ACSF3: variants seen among roughly 807,000 people sequenced by gnomAD.
ACSF3 encodes acyl-CoA synthetase family member 3.
Under a neutral mutation model 53.2 loss-of-function variants are expected in ACSF3, and 78 were observed. That is an observed-to-expected ratio of 1.47 (90% CI 1.22 to 1.77). The LOEUF is 1.77. ACSF3 is among the 40% of genes most tolerant of loss of function. The probability of loss-of-function intolerance (pLI) is 0.00; values close to 1 mark genes in which losing one functional copy is unlikely to be tolerated. For missense variants in ACSF3, 937 were observed against 771.1 expected (o/e 1.22, Z -2.55); for synonymous variants, 414 against 333.1 (o/e 1.24, Z -2.65).
intron 1 of ACSF3, among the ~76,000 whole-genome samples, chr16:89,094,890 G>A (rs964118727): frequency 6.6e-6 from 1 of 152,208 alleles, no homozygotes; most frequent in Admixed American, 6.5e-5. Flanking sequence ...GCAAGACACT[G>A]TCTCAATAAA....
Position 89,100,767 on chromosome 16 carries a change from G to C in ACSF3, c.86G>C (p.Ser29Thr), listed in dbSNP as rs754161182. 5.6e-6 allele frequency: 9 copies of C among 1,609,464 alleles called. No homozygotes were observed. The East Asian group carries it at 2.0e-4, about 36-fold the overall frequency. ...CRLAPARHRG[S>T]GLLHTAPVAR... ...CTGGCGCCTGCGAGACACAGAGGAAGTGGTCTTCTGCACACAGCCCCAGTG... is the reference window on the plus strand; with the variant it reads ...CTGGCGCCTGCGAGACACAGAGGAACTGGTCTTCTGCACACAGCCCCAGTG... Residue 29 changes from serine to threonine, a missense_variant, in exon 3 of 11, where the codon AGT becomes ACT. Ser to Thr is a moderately conservative substitution (Grantham distance 58, BLOSUM62 1). Coordinates refer to ENST00000614302, the MANE Select transcript of ACSF3 (RefSeq NM_001243279.3).
At chr16:89,097,161 TG>T (rs1339992991) in intron 1 of ACSF3, among the ~76,000 whole-genome samples, 1 of 152,206 alleles carries the variant, frequency 6.6e-6, no homozygotes, top group African/African-American at 2.4e-5. Context: ...GTGCTCAGCG[TG>T]TGGTTAGCGT....
chr16:89,096,197 G>A lies in ACSF3; in HGVS notation c.-194+2201G>A, dbSNP rs187311192. Among the ~76,000 whole-genome samples the A allele has an allele frequency of 4.1e-3, 620 of 150,734 alleles. 3 individuals are homozygous for A. The highest frequency in any genetic ancestry group is 0.012 in the South Asian group (57 of 4,772). Reference sequence around the variant, plus strand: ...GCCACGTGGTGACGCCGCTGACCTCGGGTTATCAGGGTGCTGCGTAGCAGG... The same window carrying A: ...GCCACGTGGTGACGCCGCTGACCTCAGGTTATCAGGGTGCTGCGTAGCAGG... On this transcript the variant is annotated intron_variant, in intron 1 of 10. Coordinates refer to ENST00000614302, the MANE Select transcript of ACSF3 (RefSeq NM_001243279.3).
Position 89,100,741 on chromosome 16 carries a change from G to C in ACSF3, c.60G>C (p.Arg20=). The C allele has an allele frequency of 6.2e-7, 1 of 1,605,598 alleles. No homozygotes were observed. The highest frequency in any genetic ancestry group is 8.5e-7 in the Non-Finnish European group (1 of 1,179,766). Residue 20 remains arginine (R), a synonymous_variant, in exon 3 of 11, where the codon CGG becomes CGC. Transcript: ENST00000614302. ...RRLGCALASC[R]LAPARHRGSG... The stretch of plus-strand genomic sequence containing the variant: ...TGGGCTGCGCCTTGGCGTCCTGCCG[G>C]CTGGCGCCTGCGAGACACAGAGGAA...
rs1416712649 is a variant in ACSF3, at chr16:89,155,458, T to C, written c.*1251T>C. 2.2e-6 allele frequency: 1 copy of C among 454,116 alleles called. No homozygotes were observed. The allele number at this position is 454,116 out of a possible 1,614,324, so 28.1% of individuals were successfully genotyped here. A position where few individuals can be genotyped will look rare whatever the true frequency, so the allele number is the denominator to read the frequency against. ...CACTTGAGCATGTCGCCCACCAAGC[T>C]TGTCTGAGGCCACAGAGCAGCGTCC... On this transcript the variant is annotated 3_prime_UTR_variant, in exon 11 of 11. Transcript: ENST00000614302.
At chr16:89,104,362 G>T (rs1045524369) in intron 4 of ACSF3, among the ~76,000 whole-genome samples, 6 of 152,238 alleles carry the variant, frequency 3.9e-5, no homozygotes, top group Non-Finnish European at 7.3e-5. Flanking sequence ...GTGCGGGGTT[G>T]TTCTGCAGGG....
chr16:89,144,960 C>A (rs889953596), intron 8 of ACSF3, among the ~76,000 whole-genome samples: 7 of 152,228 alleles, frequency 4.6e-5, no homozygotes, highest in African/African-American at 1.7e-4. Context: ...AGGCTCTGGA[C>A]CCACTGCTGA....
At chr16:89,125,338 T>A (rs1370058934) in intron 7 of ACSF3, among the ~76,000 whole-genome samples, 1 of 76,752 alleles carries the variant, frequency 1.3e-5, no homozygotes, top group Non-Finnish European at 2.7e-5. Context: ...AGCAAAACTC[T>A]GTCTCAAAAA....
At chr16:89,136,716 C>T (rs1176816757) in intron 8 of ACSF3, 5 of 1,287,146 alleles carry the variant, frequency 3.9e-6, no homozygotes, top group Non-Finnish European at 5.1e-6. Context: ...CCGCTCCTGC[C>T]TCCCCCACCT....
rs967117508 is a variant in ACSF3 at position 89,154,616 on chromosome 16, C to T, written c.*409C>T. On this transcript the variant is annotated 3_prime_UTR_variant, in exon 11 of 11. Transcript: ENST00000614302. ...CCCTGTCCCACGCCGTCTGCACGTG[C>T]CTGTGCCTCACCCAGAGCCAGTGTC... 3 of 455,348 alleles carry T rather than the reference C, an allele frequency of 6.6e-6. No individual in the cohort carries two copies. The highest frequency in any genetic ancestry group is 1.3e-5 in the Non-Finnish European group (3 of 227,828). 28.2% of individuals were successfully genotyped at this position (455,348 alleles called of 1,614,324 possible).
Position 89,145,307 on chromosome 16 carries a change from A to G in ACSF3, c.1407A>G (p.Arg469=), listed in dbSNP as rs1912703262. The change falls in exon 9 of 11, where the codon CGA becomes CGG. Residue 469 remains arginine, a synonymous_variant. Transcript: ENST00000614302. ...VVFKDGQYWI[R]GRTSVDIIKT... ...TTAAGGATGGCCAGTACTGGATCCG[A>G]GGCCGGACCTCAGTGGACATCATCA... The G allele has an allele frequency of 5.6e-6, 9 of 1,614,074 alleles. No homozygotes were observed. Among genetic ancestry groups the G allele is most frequent in the Non-Finnish European group, 5.9e-6 (7 of 1,179,988 alleles).
At chr16:89,105,691 C>G (rs564353576) in intron 4 of ACSF3, among the ~76,000 whole-genome samples, 53 of 152,244 alleles carry the variant, frequency 3.5e-4, no homozygotes, top group Non-Finnish European at 6.5e-4. Context: ...CGGGCGCTGA[C>G]GGTGGCTGGT....
At chr16:89,126,964 T>C (rs1265385083) in intron 7 of ACSF3, among the ~76,000 whole-genome samples, 2 of 151,404 alleles carry the variant, frequency 1.3e-5, no homozygotes, top group African/African-American at 2.4e-5. Flanking sequence ...TAAATGTATG[T>C]TGAATATTTT....
At chr16:89,115,349 C>CCCCTTGTTCCTGTTTCTCTT (rs2151458433) in intron 6 of ACSF3, 1 of 152,504 alleles carries the variant, frequency 6.6e-6, no homozygotes, top group South Asian at 2.1e-4. Flanking sequence ...CGAGGCCTGG[C>CCCCTTGTTCCTGTTTCTCTT]CCCTTGTTCC....
At chr16:89,102,580 C>T in intron 3 of ACSF3, 24 bp from the exon 4 acceptor site, 4 of 1,612,892 alleles carry the variant, frequency 2.5e-6, no homozygotes, top group Non-Finnish European at 3.4e-6. Context: ...CTCTTGCTCT[C>T]AGCTGTGCTC....
chr16:89,135,342 T>C (rs1910213519), intron 8 of ACSF3, among the ~76,000 whole-genome samples: 1 of 152,178 alleles, frequency 6.6e-6, no homozygotes, highest in Non-Finnish European at 1.5e-5. Context: ...ATCCTGTGGG[T>C]CCCAGAGGCC....
intron 7 of ACSF3, 53 bp downstream of exon 7, chr16:89,120,966 C>G: frequency 6.5e-7 from 1 of 1,539,226 alleles, no homozygotes; most frequent in Admixed American, 1.7e-5. Flanking sequence ...GTCTAGGCCC[C>G]CCAGGGTGGT....
At chr16:89,099,854 A>G (rs8061360) in intron 2 of ACSF3, among the ~76,000 whole-genome samples, 99,848 of 150,890 alleles carry the variant, frequency 0.66, 33,964 homozygotes, top group Admixed American at 0.75. Context: ...GAGAGAAAGG[A>G]AAAAAAGGTG....
rs771664156 is a variant in ACSF3, at chr16:89,112,780, G to T, written c.977+534G>T. 2.8e-4 allele frequency among the ~76,000 whole-genome samples: 42 copies of T among 152,334 alleles called. 1 individual carries two copies. The highest frequency in any genetic ancestry group is 8.5e-4 in the Admixed American group (13 of 15,302). On this transcript the variant is annotated intron_variant, in intron 5 of 10. Transcript: ENST00000614302. ...ATGGCGTCTGAAGGACAAGGGTGAG[G>T]ACAGTGAGCTGACCCGCTTGCTCCT...
Sources: allele counts gnomAD v4.1 joint callset (sites outside exome capture counted in the v4.1 genomes callset), GRCh38; gene constraint gnomAD v4.1.1; transcripts MANE v1.5; gene names NCBI Gene and HGNC (gene_info 2026-07-23, HGNC 2026-07-21).